Variants in STOX2 observed in about 807,000 individuals in gnomAD.
STOX2 encodes the protein storkhead box 2, also known as storkhead-box protein 2.
A neutral mutation model predicts 60.9 loss-of-function variants in STOX2; 28 were observed. The ratio of observed to expected loss-of-function variants is 0.46; its 90% confidence interval spans 0.34 to 0.63. The LOEUF (loss-of-function observed/expected upper bound fraction) is 0.63, where lower values mean the gene tolerates loss of function less well. STOX2 is among the 30% of genes least tolerant of loss of function. The probability of loss-of-function intolerance (pLI) is 0.01; values close to 1 mark genes in which losing one functional copy is unlikely to be tolerated. For missense variants in STOX2, 1,024 were observed against 1,187.7 expected, an observed-to-expected ratio of 0.86 and a Z score of 2.03; for synonymous variants, 472 against 463.9, an observed-to-expected ratio of 1.02 and a Z score of -0.22.
chr4:183,955,117 A>G (rs2309954), intron 1 of STOX2, among the ~76,000 whole-genome samples: 44,076 of 152,086 alleles, frequency 0.29, 6,705 homozygotes, highest in Middle Eastern at 0.36. Context: ...TTGGTTTATT[A>G]CTTTGGATTT....
chr4:183,881,394 C>G (rs1740956247), intron 1 of STOX2, among the ~76,000 whole-genome samples: 2 of 152,120 alleles, frequency 1.3e-5, no homozygotes, highest in African/African-American at 4.8e-5. Flanking sequence ...CCCAGCTACT[C>G]TGGAGGCTGA....
intron 1 of STOX2, among the ~76,000 whole-genome samples, chr4:183,938,128 G>A (rs910119904): frequency 4.6e-5 from 7 of 151,998 alleles, no homozygotes; most frequent in South Asian, 4.2e-4. Flanking sequence ...CATCCTGAGC[G>A]ACAGAATGAG....
intron 1 of STOX2, among the ~76,000 whole-genome samples, chr4:183,885,899 C>G (rs1278352859): frequency 2.6e-5 from 4 of 152,230 alleles, no homozygotes; most frequent in African/African-American, 7.2e-5. Context: ...TGCCCCATTA[C>G]CTGAAACTGT....
chr4:183,920,785 C>T (rs375831265), intron 1 of STOX2, among the ~76,000 whole-genome samples: 1 of 152,072 alleles, frequency 6.6e-6, no homozygotes, highest in Admixed American at 6.6e-5. Context: ...GCTCCTTAGT[C>T]GTCTTAATTG....
At chr4:183,919,457 C>A (rs756370440) in intron 1 of STOX2, among the ~76,000 whole-genome samples, 1 of 152,052 alleles carries the variant, frequency 6.6e-6, no homozygotes, top group East Asian at 1.9e-4. Context: ...CTGTTAAGCT[C>A]GGCAGTGGCT....
chr4:183,894,845 C>T (rs1741305308), intron 1 of STOX2, among the ~76,000 whole-genome samples: 1 of 152,156 alleles, frequency 6.6e-6, no homozygotes, highest in Admixed American at 6.5e-5. Context: ...GTCTCTTGCA[C>T]CATCTGTATA....
At chr4:183,862,187 G>GTTTT (rs869058596) in intron 1 of STOX2, among the ~76,000 whole-genome samples, 2 of 136,678 alleles carry the variant, frequency 1.5e-5, no homozygotes, top group Non-Finnish European at 3.3e-5. Context: ...TTGTTTGTTT[G>GTTTT]TTTTTTGAGA....
At chr4:183,900,417 G>T (rs1349062562), upstream of STOX2, among the ~76,000 whole-genome samples, 1 of 152,120 alleles carries the variant, frequency 6.6e-6, no homozygotes, top group East Asian at 1.9e-4. Flanking sequence ...TTCTGGAAAG[G>T]ATTCACCATT....
chr4:183,869,968 C>T (rs962174757), intron 1 of STOX2, among the ~76,000 whole-genome samples: 7 of 152,158 alleles, frequency 4.6e-5, no homozygotes, highest in South Asian at 2.1e-4. Context: ...ACAAGCAGGC[C>T]GTAAAGCAGC....
Position 184,010,101 on chromosome 4 carries a change from C to A in STOX2, c.1263C>A (p.Phe421Leu). Reference protein sequence around the residue: ...CFIIEHKGDNFIMHSNTNVLE... With the variant: ...CFIIEHKGDNLIMHSNTNVLE... ...TCATTGAACACAAAGGAGATAACTT[C>A]ATCATGCACAGCAACACAAACGTGC... Residue 421 changes from phenylalanine (F) to leucine (L), a missense_variant, in exon 3 of 4, where the codon TTC becomes TTA. Physicochemically the swap from Phe to Leu is conservative, Grantham distance 22 (BLOSUM62 0). Transcript: ENST00000308497. This position sits in a 1 kb window ranked among gnomAD's most constrained non-coding sequence, Gnocchi z 4.5. The A allele has an allele frequency of 1.9e-6, 3 of 1,600,624 alleles. No homozygotes were observed. Among genetic ancestry groups the A allele is most frequent in the East Asian group, 2.2e-5 (1 of 44,474 alleles).
chr4:183,954,717 C>T (rs146788748), intron 1 of STOX2, among the ~76,000 whole-genome samples: 188 of 152,198 alleles, frequency 1.2e-3, no homozygotes, highest in African/African-American at 4.2e-3. Context: ...ATTGCCTGAT[C>T]GCTTCCCCAC....
intron 1 of STOX2, among the ~76,000 whole-genome samples, chr4:183,976,345 G>C (rs1732443422): frequency 6.6e-6 from 1 of 152,052 alleles, no homozygotes; most frequent in Admixed American, 6.6e-5. Flanking sequence ...ATCAGTCAAT[G>C]TAATCTATCA....
intron 1 of STOX2, among the ~76,000 whole-genome samples, chr4:183,918,555 C>T (rs1468427665): frequency 6.6e-6 from 1 of 152,206 alleles, no homozygotes. Context: ...TGCAGAAGCA[C>T]AGTTGAGAGG....
Position 184,019,405 on chromosome 4 carries a change from A to T in STOX2, c.*2121A>T, listed in dbSNP as rs937018223. 1 of 152,098 alleles carries T rather than the reference A, an allele frequency of 6.6e-6. No homozygotes were observed. Among genetic ancestry groups the T allele is most frequent in the Non-Finnish European group, 1.5e-5 (1 of 68,008 alleles). 9.4% of individuals were successfully genotyped at this position (152,098 alleles called of 1,614,324 possible). A position where few individuals can be genotyped will look rare whatever the true frequency, so the allele number is the denominator to read the frequency against. On this transcript the variant is annotated 3_prime_UTR_variant, in exon 4 of 4. Transcript: ENST00000308497. ...AGTTACTAAATATTTGTCTAAATTC[A>T]TTTTTTCCAAAAACCTGCTCTCAAA...
At chr4:183,962,613 GACTTGTGATTGATGTGAAGCCT>G (rs1288231013) in intron 1 of STOX2, among the ~76,000 whole-genome samples, 7 of 152,126 alleles carry the variant, frequency 4.6e-5, no homozygotes, top group African/African-American at 1.7e-4. Flanking sequence ...CACAATAAAT[GACTTGTGATTGATGTGAAGCCT>G]GATGCTTAGA....
chr4:183,888,760 C>T (rs1420438560), intron 1 of STOX2, among the ~76,000 whole-genome samples: 1 of 152,298 alleles, frequency 6.6e-6, no homozygotes, highest in African/African-American at 2.4e-5. Flanking sequence ...TGTTAATGAG[C>T]ATTAAACATC....
In STOX2 at chr4:183,921,863, A is replaced by G. The variant is rs542651101; in HGVS notation, c.166+14907A>G. The stretch of plus-strand genomic sequence containing the variant: ...CTAACACTTAAATTCTCTGTATACT[A>G]TACTAAAGAAATATAACACAAAGTT... On this transcript the variant is annotated intron_variant, in intron 1 of 3. Coordinates refer to ENST00000308497, the MANE Select transcript of STOX2 (RefSeq NM_020225.3). 7.9e-5 allele frequency among the ~76,000 whole-genome samples: 12 copies of G among 152,326 alleles called. No homozygotes were observed. In the South Asian group the frequency reaches 1.5e-3, roughly 18 times the overall value.
chr4:183,807,136 C>A (rs1057021420), intron 1 of STOX2, among the ~76,000 whole-genome samples: 13 of 152,100 alleles, frequency 8.5e-5, no homozygotes, highest in Admixed American at 8.5e-4. Flanking sequence ...CCACGCCCAG[C>A]TAATTTTTAG....
intron 1 of STOX2, among the ~76,000 whole-genome samples, chr4:183,980,605 C>G (rs1732626558): frequency 6.6e-6 from 1 of 152,028 alleles, no homozygotes; most frequent in Non-Finnish European, 1.5e-5. Flanking sequence ...ATGCTGAGTT[C>G]AGCTTTGTGA....
Sources: gnomAD v4.1 joint callset for allele counts (sites outside exome capture counted in the v4.1 genomes callset) on GRCh38, gnomAD v4.1.1 for gene constraint, Gnocchi (gnomAD v3.1) non-coding constraint, MANE v1.5 for transcripts, NCBI Gene and HGNC (gene_info 2026-07-23, HGNC 2026-07-21) for gene names.